C4orf36: variants seen among roughly 807,000 people sequenced by gnomAD.
C4orf36 encodes the protein uncharacterized protein C4orf36.
Under a neutral mutation model 12.2 loss-of-function variants are expected in C4orf36, and 11 were observed. The observed-to-expected ratio is 0.90, with a 90% CI of 0.57 to 1.49. The LOEUF (loss-of-function observed/expected upper bound fraction) is 1.49. Ranked by LOEUF, C4orf36 falls within the 40% of genes most tolerant of loss-of-function variation. The probability of loss-of-function intolerance (pLI) is 0.00; values close to 1 mark genes in which losing one functional copy is unlikely to be tolerated. For missense variants in C4orf36, 137 were observed against 133.9 expected, an observed-to-expected ratio of 1.02 and a Z score of -0.11; for synonymous variants, 54 against 51.3, an observed-to-expected ratio of 1.05 and a Z score of -0.22.
chr4:86,899,922 AAAG>A, the C4orf36 span, among the ~76,000 whole-genome samples: 3 of 152,214 alleles, frequency 2.0e-5, no homozygotes, highest in South Asian at 2.1e-4. Flanking sequence ...TGAGTCTTTA[AAAG>A]AAGACTTGAA....
At chr4:86,931,399 TTTTTTG>T in the C4orf36 span, among the ~76,000 whole-genome samples, 55 of 152,090 alleles carry the variant, frequency 3.6e-4, no homozygotes, top group African/African-American at 1.2e-3. Context: ...TTAATTTAAT[TTTTTTG>T]TTTTTGTTTT....
chr4:86,919,315 C>CCCTTTT, the C4orf36 span, among the ~76,000 whole-genome samples: 1 of 81,354 alleles, frequency 1.2e-5, no homozygotes. Context: ...TTTTTTCCCC[C>CCCTTTT]TTTTTTTTTT....
At chr4:86,892,918 T>G (rs948641546), upstream of C4orf36, among the ~76,000 whole-genome samples, 6 of 152,208 alleles carry the variant, frequency 3.9e-5, no homozygotes, top group Non-Finnish European at 8.8e-5. Context: ...GAAACGAGCT[T>G]ACATTTCCAT....
At chr4:86,926,857 G>A in the C4orf36 span, among the ~76,000 whole-genome samples, 2 of 152,116 alleles carry the variant, frequency 1.3e-5, no homozygotes, top group Non-Finnish European at 2.9e-5. Flanking sequence ...ATTTCCTGCT[G>A]GCTTTTCCAT....
chr4:86,922,009 A>G, the C4orf36 span, among the ~76,000 whole-genome samples: 1 of 152,248 alleles, frequency 6.6e-6, no homozygotes, highest in Non-Finnish European at 1.5e-5. Context: ...ATACAAATAC[A>G]AAATGAATAT....
At chr4:86,923,879 T>C in the C4orf36 span, among the ~76,000 whole-genome samples, 1 of 152,196 alleles carries the variant, frequency 6.6e-6, no homozygotes, top group Non-Finnish European at 1.5e-5. Context: ...AAATCCATAT[T>C]ATTACTCGTG....
intron 4 of C4orf36, among the ~76,000 whole-genome samples, chr4:86,881,163 T>C (rs908143519): frequency 6.6e-5 from 10 of 152,102 alleles, no homozygotes; most frequent in African/African-American, 2.4e-4. Flanking sequence ...GAAAAATAAC[T>C]ATAAATTATG....
chr4:86,921,688 A>T, the C4orf36 span, among the ~76,000 whole-genome samples: 2 of 152,128 alleles, frequency 1.3e-5, no homozygotes, highest in East Asian at 1.9e-4. Flanking sequence ...ATAATGTAAA[A>T]TTTATCATTT....
In C4orf36 at chr4:86,884,298, A is replaced by ACTTTTTTTTTTTT. The variant is rs1560471171; in HGVS notation, c.*2+3459_*2+3460insAAAAAAAAAAAAG. On this transcript the variant is annotated intron_variant, in intron 4 of 4. Coordinates refer to ENST00000295898, the MANE Select transcript of C4orf36 (RefSeq NM_144645.4). ...AAATTAGGCAGAAGGAAAAAGACTG[A>ACTTTTTTTTTTTT]ATTTTTTTTTTTTTTTTTTTTTTTG... Among the ~76,000 whole-genome samples the ACTTTTTTTTTTTT allele has an allele frequency of 3.2e-5, 4 of 125,250 alleles. 2 individuals carry two copies. Among genetic ancestry groups the ACTTTTTTTTTTTT allele is most frequent in the African/African-American group, 5.7e-5 (2 of 35,206 alleles). The allele number at this position is 125,250 out of a possible 152,430, so 82.2% of individuals were successfully genotyped here.
the C4orf36 span, among the ~76,000 whole-genome samples, chr4:86,907,329 A>T: frequency 6.6e-6 from 1 of 152,166 alleles, no homozygotes; most frequent in African/African-American, 2.4e-5. Flanking sequence ...CCACCTGCCT[A>T]GGGAATAATA....
At chr4:86,900,717 A>G in the C4orf36 span, among the ~76,000 whole-genome samples, 1 of 152,006 alleles carries the variant, frequency 6.6e-6, no homozygotes, top group Non-Finnish European at 1.5e-5. Context: ...CCCGCCCATG[A>G]TGCCTGAAAT....
At chr4:86,899,102 C>T in the C4orf36 span, among the ~76,000 whole-genome samples, 940 of 152,200 alleles carry the variant, frequency 6.2e-3, 14 homozygotes, top group African/African-American at 0.021. Context: ...AAAATAAATA[C>T]AGAACTTCTC....
intron 3 of C4orf36, 105 bp downstream of exon 3, chr4:86,888,016 A>G: frequency 1.3e-6 from 2 of 1,540,914 alleles, no homozygotes; most frequent in Non-Finnish European, 8.8e-7. Flanking sequence ...ACAGAGCTAC[A>G]AAGATAGGAG....
intron 3 of C4orf36, 105 bp from the exon 4 acceptor site, chr4:86,887,998 A>C: frequency 6.5e-7 from 1 of 1,546,878 alleles, no homozygotes; most frequent in South Asian, 1.2e-5. Flanking sequence ...TGAATAATAA[A>C]CAAGATGACA....
chr4:86,913,865 G>A, the C4orf36 span: 4 of 805,646 alleles, frequency 5.0e-6, no homozygotes, highest in African/African-American at 3.9e-5. Flanking sequence ...GTCTCGCTCT[G>A]TCACCCAGGC....
the C4orf36 span, among the ~76,000 whole-genome samples, chr4:86,909,724 A>G: frequency 6.6e-6 from 1 of 151,998 alleles, no homozygotes; most frequent in Non-Finnish European, 1.5e-5. Flanking sequence ...CAACACCTCA[A>G]ATCCCCTGCC....
intron 2 of C4orf36, among the ~76,000 whole-genome samples, chr4:86,889,821 G>A (rs1747325032): frequency 6.6e-6 from 1 of 152,120 alleles, no homozygotes; most frequent in African/African-American, 2.4e-5. Flanking sequence ...AGAGGCTGCG[G>A]CAGGAGGATC....
At chr4:86,935,031 G>C in the C4orf36 span, 1 of 151,882 alleles carries the variant, frequency 6.6e-6, no homozygotes, top group Non-Finnish European at 1.5e-5. Context: ...CGAGCGACGG[G>C]CGCGCGCGGC....
intron 4 of C4orf36, among the ~76,000 whole-genome samples, chr4:86,881,063 A>G (rs1747042523): frequency 6.6e-6 from 1 of 151,626 alleles, no homozygotes; most frequent in Admixed American, 6.6e-5. Flanking sequence ...TTCTCTATCT[A>G]TATATAAAAT....
Sources: allele counts gnomAD v4.1 joint callset (sites outside exome capture counted in the v4.1 genomes callset), GRCh38; gene constraint gnomAD v4.1.1; transcripts MANE v1.5; gene names NCBI Gene and HGNC (gene_info 2026-07-23, HGNC 2026-07-21).